ULK4: variants seen among roughly 807,000 people sequenced by gnomAD.
The protein encoded by ULK4 is unc-51 like kinase 4.
ULK4 carries 133 observed loss-of-function variants against 160.6 expected under a neutral mutation model. The observed-to-expected ratio is 0.83, with a 90% CI of 0.72 to 0.96. The LOEUF is 0.96. Among genes scored for constraint, ULK4 ranks in the 40% least tolerant of loss-of-function variants. The pLI, the probability that ULK4 is intolerant of heterozygous loss-of-function variation, is 0.00. For synonymous variants in ULK4, 534 were observed against 539.8 expected (o/e 0.99, Z 0.15); for missense variants, 1,580 against 1,499.5 (o/e 1.05, Z -0.89).
At chr3:41,830,065 A>G (rs1395769926) in intron 18 of ULK4, among the ~76,000 whole-genome samples, 2 of 151,978 alleles carry the variant, frequency 1.3e-5, no homozygotes, top group South Asian at 2.1e-4. Flanking sequence ...CAAACACCGC[A>G]TGTTCTCACT....
chr3:41,348,891 G>A (rs2080856474), intron 35 of ULK4, among the ~76,000 whole-genome samples: 1 of 152,206 alleles, frequency 6.6e-6, no homozygotes, highest in African/African-American at 2.4e-5. Flanking sequence ...GGGAGACTCA[G>A]AAAGCCCAGA....
At chr3:41,701,316 C>CA (rs1263977411) in intron 27 of ULK4, among the ~76,000 whole-genome samples, 3 of 152,230 alleles carry the variant, frequency 2.0e-5, no homozygotes, top group East Asian at 3.9e-4. Flanking sequence ...CCACCTCCCC[C>CA]AAAAAACATT....
chr3:41,302,214 A>C (rs1378777564), intron 35 of ULK4, among the ~76,000 whole-genome samples: 2 of 152,210 alleles, frequency 1.3e-5, no homozygotes, highest in East Asian at 3.8e-4. Context: ...AACTTTTTAA[A>C]AGTCATTTTT....
intron 34 of ULK4, among the ~76,000 whole-genome samples, chr3:41,417,962 T>C (rs574400668): frequency 1.3e-4 from 20 of 152,312 alleles, no homozygotes; most frequent in Admixed American, 2.0e-4. Flanking sequence ...GAAATTCCCA[T>C]GCAAAAGATA....
intron 27 of ULK4, among the ~76,000 whole-genome samples, chr3:41,690,483 A>G (rs1454027950): frequency 6.6e-6 from 1 of 151,344 alleles, no homozygotes; most frequent in East Asian, 1.9e-4. Flanking sequence ...GAAAAAAAAA[A>G]CTTTTCTCAC....
chr3:41,753,678 G>C (rs1482047577), intron 22 of ULK4, among the ~76,000 whole-genome samples: 1 of 152,130 alleles, frequency 6.6e-6, no homozygotes, highest in East Asian at 1.9e-4. Flanking sequence ...CTTACAATAA[G>C]GAAAATTACA....
intron 1 of ULK4, among the ~76,000 whole-genome samples, chr3:41,961,554 C>CTT (rs1553693526): frequency 2.6e-4 from 2 of 7,618 alleles, no homozygotes; most frequent in African/African-American, 4.3e-4. Context: ...TCACTCACCC[C>CTT]CCCCCCCCCC....
intron 30 of ULK4, among the ~76,000 whole-genome samples, chr3:41,647,742 T>C (rs915448307): frequency 3.9e-5 from 6 of 152,342 alleles, no homozygotes; most frequent in African/African-American, 9.6e-5. Context: ...GACAGGGACA[T>C]TTAAGTCTGC....
intron 32 of ULK4, among the ~76,000 whole-genome samples, chr3:41,501,605 G>T (rs1187693069): frequency 6.6e-6 from 1 of 152,012 alleles, no homozygotes; most frequent in African/African-American, 2.4e-5. Flanking sequence ...ATATATTATG[G>T]AATAATTAAA....
intron 4 of ULK4, among the ~76,000 whole-genome samples, chr3:41,935,209 A>ATTT (rs10524611): frequency 1.5e-5 from 2 of 135,598 alleles, no homozygotes; most frequent in African/African-American, 6.5e-5. Context: ...TTATTTATTT[A>ATTT]TTTTTTTTTT....
rs565290750 is a variant in ULK4 at position 41,775,688 on chromosome 3, C to T, written c.2193+13973G>A. ...TGCTGGGATTACAGGCATGAGCCAC[C>T]GCGCCCAGCCGACAACTCCTCTTTT... On this transcript the variant is annotated intron_variant, in intron 21 of 36. Transcript: ENST00000301831. 1.4e-4 allele frequency among the ~76,000 whole-genome samples: 21 copies of T among 150,730 alleles called. 1 individual carries two copies. In the East Asian group the frequency reaches 1.9e-3, roughly 14 times the overall value.
chr3:41,597,010 T>A lies in ULK4; in HGVS notation c.3120+18659A>T, dbSNP rs2031739514. On this transcript the variant is annotated intron_variant, in intron 31 of 36. Transcript: ENST00000301831. ...ATATAGGTGCCATCCCACCCCAGTC[T>A]CTCTGTTGCAGCTCCCTTGGGTTGG... Among the ~76,000 whole-genome samples, 5 of 152,230 alleles carry A rather than the reference T, an allele frequency of 3.3e-5. No homozygotes were observed. In the South Asian group the frequency reaches 1.0e-3, roughly 32 times the overall value.
chr3:41,792,501 G>GT (rs1429023111), intron 20 of ULK4, among the ~76,000 whole-genome samples: 1 of 152,100 alleles, frequency 6.6e-6, no homozygotes, highest in Non-Finnish European at 1.5e-5. Context: ...CAGCACAACA[G>GT]TAAGTCTCAT....
intron 27 of ULK4, among the ~76,000 whole-genome samples, chr3:41,688,981 T>G (rs2036190833): frequency 6.6e-6 from 1 of 152,268 alleles, no homozygotes; most frequent in Admixed American, 6.5e-5. Context: ...AGTCAACAAC[T>G]GTCAGCTTCA....
At chr3:41,473,386 G>T (rs982158281) in intron 32 of ULK4, among the ~76,000 whole-genome samples, 2 of 152,066 alleles carry the variant, frequency 1.3e-5, no homozygotes, top group Non-Finnish European at 2.9e-5. Flanking sequence ...TATAGGCTGG[G>T]CACAGTGGCT....
intron 1 of ULK4, among the ~76,000 whole-genome samples, chr3:41,961,733 C>T (rs1379770892): frequency 1.3e-5 from 2 of 152,194 alleles, no homozygotes; most frequent in Non-Finnish European, 2.9e-5. Flanking sequence ...TAAAGCACAT[C>T]TCCCAAGCCG....
At chr3:41,894,296 TCAAC>T in intron 16 of ULK4, among the ~76,000 whole-genome samples, 1 of 152,340 alleles carries the variant, frequency 6.6e-6, no homozygotes, top group South Asian at 2.1e-4. Context: ...TATTAAATAC[TCAAC>T]CATTACCTAA....
intron 20 of ULK4, among the ~76,000 whole-genome samples, chr3:41,792,859 GGT>G (rs2040191179): frequency 6.6e-6 from 1 of 152,174 alleles, no homozygotes; most frequent in African/African-American, 2.4e-5. Context: ...TCAGTGATGT[GGT>G]TTTTAAACAT....
chr3:41,671,176 T>C (rs574767417), intron 29 of ULK4, among the ~76,000 whole-genome samples: 1 of 152,206 alleles, frequency 6.6e-6, no homozygotes, highest in East Asian at 1.9e-4. Flanking sequence ...AATCTACAGA[T>C]ACAATGAAAT....
Sources: gnomAD v4.1 joint callset for allele counts (sites outside exome capture counted in the v4.1 genomes callset) on GRCh38, gnomAD v4.1.1 for gene constraint, MANE v1.5 for transcripts, NCBI Gene and HGNC (gene_info 2026-07-23, HGNC 2026-07-21) for gene names.